SHROOM3: variants seen among roughly 807,000 people sequenced by gnomAD.
The protein encoded by SHROOM3 is shroom family member 3, also known as protein Shroom3.
A neutral mutation model predicts 138.6 loss-of-function variants in SHROOM3; 47 were observed. That is an observed-to-expected ratio of 0.34 (90% CI 0.27 to 0.43). The LOEUF is 0.43. Ranked by LOEUF, SHROOM3 falls within the 20% of genes least tolerant of loss-of-function variation. The pLI, the probability that SHROOM3 is intolerant of heterozygous loss-of-function variation, is 1.00. For synonymous variants in SHROOM3, 1,062 were observed against 1,063.3 expected (o/e 1.00, Z 0.02); for missense variants, 2,491 against 2,596.5 (o/e 0.96, Z 0.88).
At chr4:76,554,391 C>T (rs564377261) in intron 1 of SHROOM3, among the ~76,000 whole-genome samples, 1 of 150,040 alleles carries the variant, frequency 6.7e-6, no homozygotes, top group Non-Finnish European at 1.5e-5. Flanking sequence ...AAGAGGAACA[C>T]AACTTTTTTT....
chr4:76,553,427 C>T (rs1174576397), intron 1 of SHROOM3, among the ~76,000 whole-genome samples: 1 of 152,168 alleles, frequency 6.6e-6, no homozygotes, highest in Non-Finnish European at 1.5e-5. Context: ...AGGCATGCAC[C>T]ACCACACTCA....
Position 76,741,027 on chromosome 4 carries a change from G to A in SHROOM3, c.2854G>A (p.Val952Met), listed in dbSNP as rs1434148406. 14 of 1,485,072 alleles carry A rather than the reference G, an allele frequency of 9.4e-6. No individual in the cohort carries two copies. Among genetic ancestry groups the A allele is most frequent in the African/African-American group, 8.5e-5 (6 of 70,512 alleles). The allele number at this position is 1,485,072 out of a possible 1,614,324, so 92.0% of individuals were successfully genotyped here. Residue 952 changes from valine to methionine, a missense_variant, in exon 5 of 11, where the codon GTG becomes ATG. By Grantham distance (21) the Val-to-Met change is conservative. Around this residue, in one of 4 missense-constraint regions of SHROOM3, gnomAD observed 1,733 missense variants for 1,661.6 expected, o/e 1.04. Coordinates refer to ENST00000296043, the MANE Select transcript of SHROOM3 (RefSeq NM_020859.4). The surrounding 1 kb of genome is among the most constrained non-coding windows in gnomAD (Gnocchi z 6.2). ...TCGAGACCTGGAGCTGGGGGCGCCC[G>A]TGGCGTCGAGGTCCTGGCGGCCACG... ...RRRDLELGAP[V>M]ASRSWRPRPS...
Position 76,759,681 on chromosome 4 carries a change from G to A in SHROOM3, c.5335G>A (p.Val1779Ile), listed in dbSNP as rs1357948880. The change falls in exon 9 of 11, where the codon GTC (valine) becomes ATC (isoleucine). Residue 1779 changes from valine (V) to isoleucine (I), a missense_variant. By Grantham distance (29) the Val-to-Ile change is conservative (BLOSUM62 3). Coordinates refer to ENST00000296043, the MANE Select transcript of SHROOM3 (RefSeq NM_020859.4). ...GAATGAGGAAGAGGAACAGGCAGAT[G>A]TCAATGAAAAGAAGGTAAATAAAGA... Reference protein sequence around the residue: ...EVNEEEEQADVNEKKAELIGS... With the variant: ...EVNEEEEQADINEKKAELIGS... 6.2e-7 allele frequency: 1 copy of A among 1,614,028 alleles called. No individual in the cohort carries two copies. The highest frequency in any genetic ancestry group is 8.5e-7 in the Non-Finnish European group (1 of 1,179,972).
chr4:76,667,869 G>A (rs1718748088), intron 2 of SHROOM3, among the ~76,000 whole-genome samples: 1 of 147,374 alleles, frequency 6.8e-6, no homozygotes. Flanking sequence ...TCGGGAGGCT[G>A]AAGCAGGGGA....
At position 76,571,107 on chromosome 4, in the gene SHROOM3, G is replaced by A. The variant is rs568984075; in HGVS notation, c.323+15344G>A. ...TAAGCTCTCAAAATGTTAGCTTTGG[G>A]TGGGTGTCTAAGCATTTTCATTCTT... On this transcript the variant is annotated intron_variant, in intron 2 of 10. Transcript: ENST00000296043. Among the ~76,000 whole-genome samples, 218 of 152,288 alleles carry A rather than the reference G, an allele frequency of 1.4e-3. 1 individual carries two copies. The highest frequency in any genetic ancestry group is 6.8e-3 in the Middle Eastern group (2 of 294).
chr4:76,654,993 T>G (rs1016260209), intron 2 of SHROOM3, among the ~76,000 whole-genome samples: 9 of 152,132 alleles, frequency 5.9e-5, no homozygotes, highest in Non-Finnish European at 1.0e-4. Flanking sequence ...TAAGTATGGA[T>G]TAAAGTGGTG....
chr4:76,608,427 AG>A (rs1160201174), intron 2 of SHROOM3, among the ~76,000 whole-genome samples: 1 of 152,254 alleles, frequency 6.6e-6, no homozygotes, highest in Non-Finnish European at 1.5e-5. Flanking sequence ...AAAGAAAAAG[AG>A]GCAGAGCTTG....
At chr4:76,734,473 C>A (rs985385608) in intron 4 of SHROOM3, among the ~76,000 whole-genome samples, 2 of 151,542 alleles carry the variant, frequency 1.3e-5, no homozygotes, top group Non-Finnish European at 2.9e-5. Flanking sequence ...TGTTTTCATA[C>A]ACTTATTTTG....
chr4:76,504,642 G>A (rs910590198), intron 1 of SHROOM3, among the ~76,000 whole-genome samples: 3 of 152,146 alleles, frequency 2.0e-5, no homozygotes, highest in East Asian at 1.9e-4. Context: ...AATATAGTAT[G>A]TGTAAAAGCA....
chr4:76,767,842 A>G (rs989721742), intron 9 of SHROOM3, among the ~76,000 whole-genome samples: 1 of 152,244 alleles, frequency 6.6e-6, no homozygotes, highest in Non-Finnish European at 1.5e-5. Context: ...AAATAATGAA[A>G]AACAGGCTGA....
chr4:76,766,918 A>G (rs546742673), intron 9 of SHROOM3, among the ~76,000 whole-genome samples: 2 of 152,334 alleles, frequency 1.3e-5, no homozygotes, highest in South Asian at 4.2e-4. Flanking sequence ...AAATATTAAT[A>G]ACTTTCCAAA....
intron 2 of SHROOM3, among the ~76,000 whole-genome samples, chr4:76,564,981 G>A (rs983279796): frequency 6.6e-6 from 1 of 151,880 alleles, no homozygotes; most frequent in Non-Finnish European, 1.5e-5. Context: ...CCAACATAGT[G>A]AAACCCCATC....
chr4:76,616,421 G>C (rs888616999), intron 2 of SHROOM3, among the ~76,000 whole-genome samples: 13 of 152,154 alleles, frequency 8.5e-5, no homozygotes, highest in African/African-American at 3.1e-4. Flanking sequence ...TTCATTGATA[G>C]ATGAATGGAT....
chr4:76,674,914 C>T (rs1718989119), intron 2 of SHROOM3, among the ~76,000 whole-genome samples: 3 of 152,112 alleles, frequency 2.0e-5, no homozygotes, highest in Non-Finnish European at 4.4e-5. Context: ...CCATTCCCCC[C>T]ACTCTTCAGC....
At chr4:76,496,912 C>T (rs1330405521) in intron 1 of SHROOM3, among the ~76,000 whole-genome samples, 1 of 152,126 alleles carries the variant, frequency 6.6e-6, no homozygotes, top group East Asian at 1.9e-4. Context: ...ATTAAACAAA[C>T]AAAAAGATTA....
chr4:76,644,000 A>G (rs1735750843), intron 2 of SHROOM3, among the ~76,000 whole-genome samples: 1 of 151,996 alleles, frequency 6.6e-6, no homozygotes. Context: ...ATGTGCCACC[A>G]CGCCTGGCTA....
intron 2 of SHROOM3, among the ~76,000 whole-genome samples, chr4:76,705,351 G>A (rs1175554329): frequency 6.6e-6 from 1 of 152,000 alleles, no homozygotes; most frequent in Admixed American, 6.6e-5. Flanking sequence ...TTAAAAATCA[G>A]CCTGACATGG....
At chr4:76,499,647 A>G (rs916597449) in intron 1 of SHROOM3, among the ~76,000 whole-genome samples, 2 of 152,178 alleles carry the variant, frequency 1.3e-5, no homozygotes, top group Non-Finnish European at 2.9e-5. Context: ...GCTGCCTTTC[A>G]GTGAGGGCCG....
chr4:76,683,335 C>G (rs1049682148), intron 2 of SHROOM3, among the ~76,000 whole-genome samples: 1 of 152,096 alleles, frequency 6.6e-6, no homozygotes, highest in East Asian at 1.9e-4. Flanking sequence ...ATATTAACAG[C>G]CTGGGGTGTG....
Sources: allele counts gnomAD v4.1 joint callset (sites outside exome capture counted in the v4.1 genomes callset), GRCh38; gene constraint gnomAD v4.1.1; regional missense constraint gnomAD v4.1.1; non-coding constraint Gnocchi (gnomAD v3.1); transcripts MANE v1.5; gene names NCBI Gene and HGNC (gene_info 2026-07-23, HGNC 2026-07-21).